The following WDR3 variants were observed in gnomAD, a reference collection of about 807,000 sequenced individuals.
The protein encoded by WDR3 is WD repeat domain 3.
A neutral mutation model predicts 123.7 loss-of-function variants in WDR3; 81 were observed. That is an observed-to-expected ratio of 0.65 (90% CI 0.55 to 0.79). The LOEUF is 0.79. Ranked by LOEUF, WDR3 falls within the 30% of genes least tolerant of loss-of-function variation. WDR3 has a pLI of 0.00. For missense variants in WDR3, 1,027 were observed against 1,123.2 expected (o/e 0.91, Z 1.22); for synonymous variants, 390 against 388.8 (o/e 1.00, Z -0.04).
chr1:117,942,346 G>C, intron 9 of WDR3, 91 bp from the exon 10 acceptor site: 4 of 999,612 alleles, frequency 4.0e-6, no homozygotes, highest in Non-Finnish European at 6.2e-6. Flanking sequence ...AACACAGTTT[G>C]TTGGTCAAGG....
At chr1:117,934,928 T>C (rs920929975) in intron 3 of WDR3, among the ~76,000 whole-genome samples, 53 of 152,192 alleles carry the variant, frequency 3.5e-4, no homozygotes, top group African/African-American at 1.1e-3. Flanking sequence ...CCATGATAAC[T>C]CTTATTGTGG....
chr1:117,943,301 A>G lies in WDR3; in HGVS notation c.1098-95A>G, dbSNP rs985673771. The G allele has an allele frequency of 3.8e-6, 4 of 1,054,374 alleles. No individual in the cohort carries two copies. The African/African-American group carries it at 6.4e-5, about 17-fold the overall frequency. The allele number at this position is 1,054,374 out of a possible 1,614,324, so 65.3% of individuals were successfully genotyped here. A position where few individuals can be genotyped will look rare whatever the true frequency, so the allele number is the denominator to read the frequency against. ...TTGTTTATAGTTATTCAAACTTTAT[A>G]TAGATAGAGGACATTGTAAAGCCTT... On this transcript the variant is annotated intron_variant, in intron 10 of 26. Coordinates refer to ENST00000349139, the MANE Select transcript of WDR3 (RefSeq NM_006784.3).
rs141265968 is a variant in WDR3 at position 117,963,815 on chromosome 1, T to G, written c.*4368T>G. 30 of 1,612,648 alleles carry G rather than the reference T, an allele frequency of 1.9e-5. No individual in the cohort carries two copies. Among genetic ancestry groups the G allele is most frequent in the Non-Finnish European group, 2.5e-5 (29 of 1,179,326 alleles). ...TTACTGTACCTAATGTGGAGAAACT[T>G]TACGAGACATGAAGACTCCAAGTGT... On this transcript the variant is annotated 3_prime_UTR_variant, in exon 27 of 27. Transcript: ENST00000349139.
At chr1:117,935,470 A>G (rs1650913426) in intron 3 of WDR3, among the ~76,000 whole-genome samples, 1 of 152,178 alleles carries the variant, frequency 6.6e-6, no homozygotes, top group East Asian at 1.9e-4. Flanking sequence ...CCAATGCAAA[A>G]TAGATTATTG....
At position 117,951,970 on chromosome 1, in the gene WDR3, T is replaced by A. The variant is rs1557823168; in HGVS notation, c.1804-6T>A. ...CAAGGTAGTGTTTTACTTTTATTTC[T>A]CATAGGATGGAGCACTCATAGCAAC... On this transcript the variant is annotated splice_region_variant and splice_polypyrimidine_tract_variant and intron_variant, in intron 16 of 26. Coordinates refer to ENST00000349139, the MANE Select transcript of WDR3 (RefSeq NM_006784.3). 3 of 1,609,346 alleles carry A rather than the reference T, an allele frequency of 1.9e-6. No homozygotes were observed. The highest frequency in any genetic ancestry group is 2.5e-6 in the Non-Finnish European group (3 of 1,178,256).
At position 117,950,831 on chromosome 1, in the gene WDR3, T is replaced by C; in HGVS notation, c.1747-3T>C. On this transcript the variant is annotated splice_polypyrimidine_tract_variant and splice_region_variant and intron_variant, in intron 15 of 26. Transcript: ENST00000349139. Reference sequence around the variant, plus strand: ...ACATTAATTATGTTTTTTTGATGTTTAGTTTTTTCTGTCACTGTATGGACA... The same window carrying C: ...ACATTAATTATGTTTTTTTGATGTTCAGTTTTTTCTGTCACTGTATGGACA... The C allele has an allele frequency of 6.2e-7, 1 of 1,606,870 alleles. No individual in the cohort carries two copies. The highest frequency in any genetic ancestry group is 8.5e-7 in the Non-Finnish European group (1 of 1,177,626).
At chr1:117,955,411 A>G in intron 24 of WDR3, 53 bp downstream of exon 24, 1 of 1,518,218 alleles carries the variant, frequency 6.6e-7, no homozygotes, top group Non-Finnish European at 9.1e-7. Flanking sequence ...ACATTTATGA[A>G]GTGCTTATCT....
intron 5 of WDR3, among the ~76,000 whole-genome samples, chr1:117,938,775 T>C (rs967802908): frequency 6.6e-6 from 1 of 152,160 alleles, no homozygotes; most frequent in South Asian, 2.1e-4. Context: ...CCTTGCGTGG[T>C]TTTTAATTCC....
chr1:117,950,917 A>C, intron 16 of WDR3, 27 bp downstream of exon 16: 3 of 1,578,222 alleles, frequency 1.9e-6, no homozygotes, highest in Non-Finnish European at 2.6e-6. Context: ...GTGTCTCAGT[A>C]ATATGTTGTC....
rs1027301716 is a variant in WDR3 at position 117,943,194 on chromosome 1, C to T, written c.1098-202C>T. Among the ~76,000 whole-genome samples the T allele has an allele frequency of 2.0e-5, 3 of 152,136 alleles. No homozygotes were observed. The South Asian group carries it at 6.2e-4, about 32-fold the overall frequency. ...TCTCAAACTCCTGACCTCAAGTGAT[C>T]CACCCGCCTCGGCCTCCCAACATGC... On this transcript the variant is annotated intron_variant, in intron 10 of 26. Coordinates refer to ENST00000349139, the MANE Select transcript of WDR3 (RefSeq NM_006784.3).
chr1:117,956,043 C>CA (rs1252170248), intron 24 of WDR3, among the ~76,000 whole-genome samples: 1 of 152,092 alleles, frequency 6.6e-6, no homozygotes, highest in African/African-American at 2.4e-5. Flanking sequence ...GTGTGTGAGC[C>CA]AAAAGGTAAT....
In WDR3 at chr1:117,963,833, C is replaced by T. The variant is rs114407595; in HGVS notation, c.*4386C>T. The T allele has an allele frequency of 7.4e-6, 12 of 1,613,762 alleles. No homozygotes were observed. The African/African-American group carries it at 1.6e-4, about 22-fold the overall frequency. ...AGAAACTTTACGAGACATGAAGACT[C>T]CAAGTGTGGAGGAATAAATTGTAGA... On this transcript the variant is annotated 3_prime_UTR_variant, in exon 27 of 27. Coordinates refer to ENST00000349139, the MANE Select transcript of WDR3 (RefSeq NM_006784.3).
In WDR3 at chr1:117,964,704, C is replaced by T. The variant is rs1653591555; in HGVS notation, c.*5257C>T. The T allele has an allele frequency of 6.6e-6, 1 of 152,176 alleles. No homozygotes were observed. Among genetic ancestry groups the T allele is most frequent in the South Asian group, 2.1e-4 (1 of 4,832 alleles). The allele number at this position is 152,176 out of a possible 1,614,324, so 9.4% of individuals were successfully genotyped here. The stretch of plus-strand genomic sequence containing the variant: ...ACTTTATGTATTGTCTGTCCTCCCA[C>T]TGGAATGTAAGCTACATAAAGGCAG... On this transcript the variant is annotated 3_prime_UTR_variant, in exon 27 of 27. Transcript: ENST00000349139.
At chr1:117,953,880 C>T (rs2273581) in intron 21 of WDR3, 127 bp from the exon 22 acceptor site, 36 of 770,700 alleles carry the variant, frequency 4.7e-5, no homozygotes, top group Non-Finnish European at 6.8e-5. Flanking sequence ...GCACTCTATT[C>T]GCACGTCTTT....
chr1:117,949,927 T>C (rs1441285872), intron 14 of WDR3, 68 bp from the exon 15 acceptor site: 1 of 1,611,768 alleles, frequency 6.2e-7, no homozygotes, highest in Non-Finnish European at 8.5e-7. Context: ...TGTTGTGCTC[T>C]AAAGAGTTAG....
chr1:117,950,216 G>A, intron 15 of WDR3, 86 bp downstream of exon 15: 1 of 1,508,876 alleles, frequency 6.6e-7, no homozygotes, highest in Non-Finnish European at 9.0e-7. Context: ...AAGTGGCCTT[G>A]ACTGTGCCCA....
intron 4 of WDR3, among the ~76,000 whole-genome samples, chr1:117,937,380 TATAATA>T (rs1169169119): frequency 1.3e-5 from 2 of 152,198 alleles, no homozygotes; most frequent in African/African-American, 2.4e-5. Context: ...TTCAACCTAA[TATAATA>T]ATGAATATTC....
intron 8 of WDR3, 83 bp downstream of exon 8, chr1:117,941,308 GA>G: frequency 1.4e-6 from 2 of 1,395,082 alleles, no homozygotes. Context: ...ATGTAAAGAT[GA>G]CTTTTTCTTG....
intron 1 of WDR3, among the ~76,000 whole-genome samples, chr1:117,932,536 G>A (rs1280815462): frequency 6.6e-6 from 1 of 152,082 alleles, no homozygotes; most frequent in Non-Finnish European, 1.5e-5. Flanking sequence ...AGTACCATGA[G>A]GTTAGGGATT....
Sources: gnomAD v4.1 joint callset for allele counts (sites outside exome capture counted in the v4.1 genomes callset) on GRCh38, gnomAD v4.1.1 for gene constraint, MANE v1.5 for transcripts, NCBI Gene and HGNC (gene_info 2026-07-23, HGNC 2026-07-21) for gene names.